The following UNC5C variants were observed in gnomAD, a reference collection of about 807,000 sequenced individuals.
The protein encoded by UNC5C is netrin receptor UNC5C.
A neutral mutation model predicts 99.8 loss-of-function variants in UNC5C; 47 were observed. That is an observed-to-expected ratio of 0.47 (90% CI 0.37 to 0.60). UNC5C has a LOEUF of 0.60. Ranked by LOEUF, UNC5C falls within the 20% of genes least tolerant of loss-of-function variation. The pLI is 0.00. For synonymous variants in UNC5C, 487 were observed against 452.2 expected (o/e 1.08, Z -0.98); for missense variants, 1,062 against 1,165.9 (o/e 0.91, Z 1.30).
intron 1 of UNC5C, among the ~76,000 whole-genome samples, chr4:95,367,230 C>A (rs1026314012): frequency 6.8e-6 from 1 of 146,536 alleles, no homozygotes; most frequent in Non-Finnish European, 1.5e-5. Flanking sequence ...AGTGCAGTGG[C>A]AAATCATGGC....
At chr4:95,497,978 A>C (rs1721675081) in intron 1 of UNC5C, among the ~76,000 whole-genome samples, 1 of 152,000 alleles carries the variant, frequency 6.6e-6, no homozygotes, top group African/African-American at 2.4e-5. Flanking sequence ...GGCATAATGC[A>C]CAAGCTGCAC....
At position 95,170,315 on chromosome 4, in the gene UNC5C, A is replaced by T. The variant is rs1352180970; in HGVS notation, c.2469T>A (p.Asp823Glu). ...CTVSEEPTGI[D>E]LPLLDPANTI... ...TGTTCGCAGGATCCAGCAGCGGCAA[A>T]TCGATGCCAGTAGGTTCCTGTAGTT... The change falls in exon 15 of 16, where the codon GAT becomes GAA. Residue 823 changes from aspartate (D) to glutamate (E), a missense_variant. By Grantham distance (45) the Asp-to-Glu change is conservative. Coordinates refer to ENST00000453304, the MANE Select transcript of UNC5C (RefSeq NM_003728.4). 5 of 1,614,044 alleles carry T rather than the reference A, an allele frequency of 3.1e-6. No individual in the cohort carries two copies. The highest frequency in any genetic ancestry group is 3.3e-5 in the Admixed American group (2 of 60,004).
At position 95,320,290 on chromosome 4, in the gene UNC5C, C is replaced by T. The variant is rs552764238; in HGVS notation, c.346+15120G>A. On this transcript the variant is annotated intron_variant, in intron 2 of 15. Coordinates refer to ENST00000453304, the MANE Select transcript of UNC5C (RefSeq NM_003728.4). ...TACAAAAATTAGCCCAGTGTGGTGG[C>T]GGGCGCCTATAATCCCAGCTACTGG... 4.3e-3 allele frequency among the ~76,000 whole-genome samples: 655 copies of T among 151,776 alleles called. 1 individual carries two copies. Among genetic ancestry groups the T allele is most frequent in the African/African-American group, 0.015 (613 of 41,426 alleles).
intron 14 of UNC5C, 125 bp downstream of exon 14, chr4:95,182,772 G>A: frequency 2.0e-6 from 2 of 980,328 alleles, no homozygotes; most frequent in Non-Finnish European, 2.8e-6. Context: ...TTAACAAATA[G>A]GATCTATAGA....
chr4:95,504,945 A>G (rs1040897372), intron 1 of UNC5C, among the ~76,000 whole-genome samples: 15 of 152,034 alleles, frequency 9.9e-5, no homozygotes, highest in African/African-American at 3.6e-4. Flanking sequence ...AAAAACTTCT[A>G]TATTTTTAAG....
At chr4:95,469,828 C>T (rs1237082805) in intron 1 of UNC5C, among the ~76,000 whole-genome samples, 3 of 152,106 alleles carry the variant, frequency 2.0e-5, no homozygotes, top group African/African-American at 7.2e-5. Context: ...CCAGAGACAT[C>T]ACTTTTACCG....
chr4:95,350,001 T>C (rs942418237), intron 1 of UNC5C, among the ~76,000 whole-genome samples: 1 of 152,122 alleles, frequency 6.6e-6, no homozygotes, highest in Non-Finnish European at 1.5e-5. Context: ...TAAAAAGAAA[T>C]CATGAAATAG....
chr4:95,262,533 T>C (rs973014262), intron 4 of UNC5C, among the ~76,000 whole-genome samples: 6 of 152,206 alleles, frequency 3.9e-5, no homozygotes, highest in African/African-American at 1.4e-4. Flanking sequence ...GATGAAAACC[T>C]CATTTCTCCT....
chr4:95,394,319 C>T (rs954757993), intron 1 of UNC5C, among the ~76,000 whole-genome samples: 15 of 151,360 alleles, frequency 9.9e-5, no homozygotes, highest in Admixed American at 6.6e-4. Flanking sequence ...TGAAATCTCA[C>T]GAATGGGGGG....
At chr4:95,501,522 A>G (rs755419256) in intron 1 of UNC5C, among the ~76,000 whole-genome samples, 6 of 152,174 alleles carry the variant, frequency 3.9e-5, no homozygotes, top group East Asian at 1.9e-4. Flanking sequence ...CCTAACAAAT[A>G]TGAATATTGT....
intron 1 of UNC5C, among the ~76,000 whole-genome samples, chr4:95,356,561 T>A (rs1466960999): frequency 6.6e-6 from 1 of 152,166 alleles, no homozygotes; most frequent in African/African-American, 2.4e-5. Flanking sequence ...TCATATTCTA[T>A]AAACAAAAAT....
chr4:95,294,731 A>G (rs909609913), intron 3 of UNC5C, among the ~76,000 whole-genome samples: 26 of 152,188 alleles, frequency 1.7e-4, no homozygotes, highest in African/African-American at 6.3e-4. Flanking sequence ...CAGTTTTCAA[A>G]GTTTGCTCAG....
chr4:95,538,883 C>A (rs1722845962), intron 1 of UNC5C, among the ~76,000 whole-genome samples: 1 of 152,030 alleles, frequency 6.6e-6, no homozygotes, highest in African/African-American at 2.4e-5. Flanking sequence ...GCTTTCCTTC[C>A]TCGCAATTGA....
chr4:95,215,992 C>T, intron 10 of UNC5C, 132 bp downstream of exon 10: 1 of 626,792 alleles, frequency 1.6e-6, no homozygotes, highest in Admixed American at 3.4e-5. Flanking sequence ...TTTTGTAGGT[C>T]AAGGGAAAAA....
At chr4:95,378,999 A>C (rs1744983452) in intron 1 of UNC5C, among the ~76,000 whole-genome samples, 1 of 152,124 alleles carries the variant, frequency 6.6e-6, no homozygotes, top group African/African-American at 2.4e-5. Context: ...ATTACATATT[A>C]TTCCTTACTT....
At chr4:95,338,273 A>C (rs1560793213) in intron 1 of UNC5C, among the ~76,000 whole-genome samples, 2 of 152,092 alleles carry the variant, frequency 1.3e-5, no homozygotes, top group Non-Finnish European at 2.9e-5. Context: ...AAGTTTCAGC[A>C]TTAATTCTCA....
intron 6 of UNC5C, among the ~76,000 whole-genome samples, chr4:95,244,612 C>A (rs1384742823): frequency 6.6e-6 from 1 of 152,098 alleles, no homozygotes; most frequent in Non-Finnish European, 1.5e-5. Context: ...CAATTAATTT[C>A]TACGGTTTTC....
At chr4:95,238,186 A>T (rs996983723) in intron 7 of UNC5C, among the ~76,000 whole-genome samples, 2 of 152,074 alleles carry the variant, frequency 1.3e-5, no homozygotes, top group African/African-American at 4.8e-5. Flanking sequence ...ACAATTTTGG[A>T]TTTCCTTTTA....
Position 95,194,653 on chromosome 4 carries a change from A to G in UNC5C, c.2136+8078T>C, listed in dbSNP as rs763260708. On this transcript the variant is annotated intron_variant, in intron 12 of 15. Coordinates refer to ENST00000453304, the MANE Select transcript of UNC5C (RefSeq NM_003728.4). ...TATCCCTTTCTGACCATAGCTGGAA[A>G]AAGTTCTCCACCTTCAAAACCATGT... Among the ~76,000 whole-genome samples the G allele has an allele frequency of 4.3e-4, 65 of 152,300 alleles. 1 individual carries two copies. The highest frequency in any genetic ancestry group is 3.4e-3 in the Middle Eastern group (1 of 294).
Sources: allele counts gnomAD v4.1 joint callset (sites outside exome capture counted in the v4.1 genomes callset), GRCh38; gene constraint gnomAD v4.1.1; transcripts MANE v1.5; gene names NCBI Gene and HGNC (gene_info 2026-07-23, HGNC 2026-07-21).